Variants in MPDZ observed in about 807,000 individuals in gnomAD.
MPDZ encodes the protein multiple PDZ domain protein.
In MPDZ, 234 loss-of-function variants were observed where a neutral mutation model predicts 239.1. The observed-to-expected ratio is 0.98, with a 90% CI of 0.88 to 1.09. The LOEUF (loss-of-function observed/expected upper bound fraction) is 1.09, where lower values mean the gene tolerates loss of function less well. Ranked by LOEUF, MPDZ falls within the 50% of genes least tolerant of loss-of-function variation. MPDZ has a pLI of 0.00. For missense variants in MPDZ, 3,175 were observed against 2,510.0 expected, an observed-to-expected ratio of 1.26 and a Z score of -5.66; for synonymous variants, 1,048 against 881.3, an observed-to-expected ratio of 1.19 and a Z score of -3.35.
At chr9:13,275,994 C>T (rs1293890643) in intron 1 of MPDZ, among the ~76,000 whole-genome samples, 1 of 152,198 alleles carries the variant, frequency 6.6e-6, no homozygotes, top group Non-Finnish European at 1.5e-5. Context: ...TATTTACTAA[C>T]CTCAATGATA....
At chr9:13,192,365 T>G (rs1955052851) in intron 14 of MPDZ, 70 bp from the exon 15 acceptor site, 9 of 1,357,488 alleles carry the variant, frequency 6.6e-6, no homozygotes, top group Non-Finnish European at 9.1e-6. Context: ...ACACAATTTT[T>G]TTATTAAATA....
In MPDZ at chr9:13,188,792, G is replaced by A; in HGVS notation, c.2356C>T (p.Pro786Ser). The change falls in exon 17 of 47, where the codon CCT (proline) becomes TCT (serine). Residue 786 changes from proline (P) to serine (S), a missense_variant. Transcript: ENST00000319217. The stretch of plus-strand genomic sequence containing the variant: ...AAAGTCTGAATTCTTACGGGTAAAG[G>A]CTTAGCAACTCCTATTCTCACAGTC... ...SGTVRIGVAK[P>S]LPLSPEEGYV... The A allele has an allele frequency of 6.2e-7, 1 of 1,612,782 alleles. No individual in the cohort carries two copies. The highest frequency in any genetic ancestry group is 1.1e-5 in the South Asian group (1 of 90,988).
intron 1 of MPDZ, among the ~76,000 whole-genome samples, chr9:13,251,777 T>C (rs1209504655): frequency 6.6e-6 from 1 of 152,196 alleles, no homozygotes; most frequent in Non-Finnish European, 1.5e-5. Context: ...TTGATTTGCC[T>C]TATCCCAATG....
In MPDZ at chr9:13,106,263, TC is replaced by T. The variant is rs1377235266; in HGVS notation, c.*701del. ...CAACATGAAAATATTTTACAAAAGG[TC>T]AAAAATAAGAATGAAAATTGAAATG... is the stretch of plus-strand genomic sequence containing the variant. On this transcript the variant is annotated 3_prime_UTR_variant, in exon 47 of 47. Coordinates refer to ENST00000319217, the MANE Select transcript of MPDZ (RefSeq NM_001378778.1). 2 of 152,058 alleles carry T rather than the reference TC, an allele frequency of 1.3e-5. No homozygotes were observed. The highest frequency in any genetic ancestry group is 4.8e-5 in the African/African-American group (2 of 41,408). The allele number at this position is 152,058 out of a possible 1,614,324, so 9.4% of individuals were successfully genotyped here.
At chr9:13,251,250 G>C (rs1967933672) in intron 1 of MPDZ, among the ~76,000 whole-genome samples, 1 of 151,480 alleles carries the variant, frequency 6.6e-6, no homozygotes, top group Non-Finnish European at 1.5e-5. Context: ...CTGAACAAAA[G>C]GGAGTATACA....
chr9:13,269,510 G>GGA (rs1205791577), intron 1 of MPDZ, among the ~76,000 whole-genome samples: 1 of 151,988 alleles, frequency 6.6e-6, no homozygotes, highest in African/African-American at 2.4e-5. Context: ...CATATAGAGA[G>GGA]GAGCATATTA....
intron 27 of MPDZ, among the ~76,000 whole-genome samples, chr9:13,141,903 C>G (rs1587175847): frequency 6.6e-6 from 1 of 152,058 alleles, no homozygotes; most frequent in Non-Finnish European, 1.5e-5. Flanking sequence ...GTAAATGGAA[C>G]CCTTGTTATG....
intron 39 of MPDZ, among the ~76,000 whole-genome samples, chr9:13,117,020 A>G (rs1053168810): frequency 1.3e-5 from 2 of 152,138 alleles, no homozygotes; most frequent in Non-Finnish European, 2.9e-5. Context: ...GCTGAACTCT[A>G]TATATACTAT....
intron 12 of MPDZ, among the ~76,000 whole-genome samples, chr9:13,200,711 G>C (rs1218634206): frequency 6.6e-6 from 1 of 151,952 alleles, no homozygotes; most frequent in African/African-American, 2.4e-5. Flanking sequence ...CAATGAATTT[G>C]TAGAGTTTTC....
chr9:13,153,362 A>G (rs1042754040), intron 24 of MPDZ, among the ~76,000 whole-genome samples: 7 of 152,172 alleles, frequency 4.6e-5, no homozygotes, highest in Non-Finnish European at 1.0e-4. Context: ...AAATAGTTAA[A>G]ATCCCATTCA....
chr9:13,188,766 T>A lies in MPDZ; in HGVS notation c.2364+18A>T, dbSNP rs1005799919. On this transcript the variant is annotated intron_variant, in intron 17 of 46. Coordinates refer to ENST00000319217, the MANE Select transcript of MPDZ (RefSeq NM_001378778.1). ...TGCTTATAAATATAAAGGGAAGCAATAAAGTCTGAATTCTTACGGGTAAAG... is the reference window on the plus strand; with the variant it reads ...TGCTTATAAATATAAAGGGAAGCAAAAAAGTCTGAATTCTTACGGGTAAAG... 1 of 1,602,100 alleles carries A rather than the reference T, an allele frequency of 6.2e-7. No individual in the cohort carries two copies. Among genetic ancestry groups the A allele is most frequent in the Non-Finnish European group, 8.5e-7 (1 of 1,171,970 alleles).
At chr9:13,215,444 T>C (rs910350965) in intron 10 of MPDZ, among the ~76,000 whole-genome samples, 6 of 150,930 alleles carry the variant, frequency 4.0e-5, no homozygotes, top group Non-Finnish European at 8.9e-5. Flanking sequence ...ATATGATATA[T>C]ATATATATAT....
At chr9:13,176,684 A>C (rs1952539522) in intron 19 of MPDZ, among the ~76,000 whole-genome samples, 1 of 152,270 alleles carries the variant, frequency 6.6e-6, no homozygotes, top group South Asian at 2.1e-4. Context: ...ACTGTACGTA[A>C]GATCATTTAG....
rs570976067 is a variant in MPDZ, at chr9:13,198,012, T to C, written c.1547-1782A>G. Among the ~76,000 whole-genome samples, 209 of 152,282 alleles carry C rather than the reference T, an allele frequency of 1.4e-3. 2 individuals carry two copies. The South Asian group carries it at 0.025, about 18-fold the overall frequency. On this transcript the variant is annotated intron_variant, in intron 12 of 46. Transcript: ENST00000319217. ...ATTCTCCTGTTGATCGGCACTTAGG[T>C]TGCTTCCATATCTTAGCCATAGTGA...
chr9:13,205,908 A>C lies in MPDZ; in HGVS notation c.1474+8T>G. ...GTCTAACTAAAAACCAGATTAACAT[A>C]GGATTACCTTTGATTATGCTGGCAT... On this transcript the variant is annotated splice_region_variant and intron_variant, in intron 11 of 46. Coordinates refer to ENST00000319217, the MANE Select transcript of MPDZ (RefSeq NM_001378778.1). The C allele has an allele frequency of 6.4e-7, 1 of 1,566,980 alleles. No homozygotes were observed.
chr9:13,269,969 T>C (rs1323979679), intron 1 of MPDZ, among the ~76,000 whole-genome samples: 2 of 152,230 alleles, frequency 1.3e-5, no homozygotes, highest in African/African-American at 4.8e-5. Flanking sequence ...AATTCACAGA[T>C]AATGTAACAA....
intron 7 of MPDZ, 35 bp downstream of exon 7, chr9:13,221,337 T>A: frequency 6.4e-7 from 1 of 1,557,332 alleles, no homozygotes; most frequent in African/African-American, 1.4e-5. Context: ...TATTATTTGA[T>A]AAAATAGCAT....
intron 23 of MPDZ, among the ~76,000 whole-genome samples, chr9:13,160,503 G>C (rs1283025198): frequency 1.3e-5 from 2 of 151,934 alleles, no homozygotes; most frequent in Non-Finnish European, 2.9e-5. Flanking sequence ...AACTTAACAG[G>C]ACTCAGATGT....
intron 1 of MPDZ, among the ~76,000 whole-genome samples, chr9:13,272,291 T>C (rs1588253979): frequency 6.6e-6 from 1 of 152,178 alleles, no homozygotes; most frequent in Non-Finnish European, 1.5e-5. Flanking sequence ...TTAATGAAGC[T>C]AGCTAGGGAG....
Sources: gnomAD v4.1 joint callset for allele counts (sites outside exome capture counted in the v4.1 genomes callset) on GRCh38, gnomAD v4.1.1 for gene constraint, MANE v1.5 for transcripts, NCBI Gene and HGNC (gene_info 2026-07-23, HGNC 2026-07-21) for gene names.